OPRL1: variants seen among roughly 807,000 people sequenced by gnomAD.
OPRL1 encodes nociceptin receptor.
Under a neutral mutation model 15.5 loss-of-function variants are expected in OPRL1, and 5 were observed. The observed-to-expected ratio is 0.32, with a 90% CI of 0.17 to 0.68. The LOEUF is 0.68. Among genes scored for constraint, OPRL1 ranks in the 30% least tolerant of loss-of-function variants. The probability of loss-of-function intolerance (pLI) is 0.72; values close to 1 mark genes in which losing one functional copy is unlikely to be tolerated. For missense variants in OPRL1, 406 were observed against 515.3 expected, an observed-to-expected ratio of 0.79 and a Z score of 2.05; for synonymous variants, 223 against 230.2, an observed-to-expected ratio of 0.97 and a Z score of 0.28.
intron 1 of OPRL1, among the ~76,000 whole-genome samples, chr20:64,085,553 C>T (rs1029780354): frequency 1.3e-5 from 2 of 152,204 alleles, no homozygotes; most frequent in African/African-American, 4.8e-5. Flanking sequence ...ATAATTTCTT[C>T]AGGCACTCAT....
chr20:64,088,366 G>C (rs555534169), intron 1 of OPRL1, among the ~76,000 whole-genome samples: 2 of 152,054 alleles, frequency 1.3e-5, no homozygotes, highest in Non-Finnish European at 2.9e-5. Flanking sequence ...TCTGTGCAGC[G>C]TGCAGGATCT....
Position 64,098,074 on chromosome 20 carries a change from C to A in OPRL1, c.506C>A (p.Ala169Asp). 1 of 1,613,414 alleles carries A rather than the reference C, an allele frequency of 6.2e-7. No individual in the cohort carries two copies. The highest frequency in any genetic ancestry group is 8.5e-7 in the Non-Finnish European group (1 of 1,180,000). The stretch of plus-strand genomic sequence containing the variant: ...GTCCGCACGTCCAGCAAAGCCCAGG[C>A]TGTCAATGTGGCCATCTGGGCCCTG... The part of the protein sequence containing the change: ...LDVRTSSKAQ[A>D]VNVAIWALAS... Residue 169 changes from alanine (A) to aspartate (D), a missense_variant, in exon 4 of 5, where the codon GCT (alanine) becomes GAT (aspartate). By Grantham distance (126) the Ala-to-Asp change is moderately radical (BLOSUM62 -2). Transcript: ENST00000336866.
chr20:64,084,261 G>A (rs1221053242), intron 1 of OPRL1: 4 of 1,343,726 alleles, frequency 3.0e-6, no homozygotes, highest in Non-Finnish European at 3.8e-6. Context: ...CGTCGGTGCC[G>A]GGGCTGGCAC....
intron 1 of OPRL1, among the ~76,000 whole-genome samples, chr20:64,091,620 G>A (rs1434629076): frequency 6.6e-6 from 1 of 152,154 alleles, no homozygotes; most frequent in South Asian, 2.1e-4. Flanking sequence ...CCAGCTGGGG[G>A]GTCCGGGCCA....
intron 1 of OPRL1, among the ~76,000 whole-genome samples, chr20:64,088,637 G>A (rs1238129177): frequency 1.1e-4 from 17 of 150,848 alleles, no homozygotes; most frequent in East Asian, 8.0e-4. Flanking sequence ...TGTGCAGAGT[G>A]GCCAGGATCT....
chr20:64,091,256 C>T (rs983644298), intron 1 of OPRL1, among the ~76,000 whole-genome samples: 1 of 99,446 alleles, frequency 1.0e-5, no homozygotes, highest in Non-Finnish European at 2.1e-5. Flanking sequence ...GATCTGGGGC[C>T]CAGCTGTGGC....
In OPRL1 at chr20:64,088,897, C is replaced by G. The variant is rs776487809; in HGVS notation, c.-184-3069C>G. 1.4e-3 allele frequency among the ~76,000 whole-genome samples: 201 copies of G among 147,442 alleles called. 2 individuals carry two copies. Among genetic ancestry groups the G allele is most frequent in the Admixed American group, 1.5e-3 (22 of 14,966 alleles). Reference sequence around the variant, plus strand: ...AGTGGCCAGGGTCTGTGCAGAGTGGCCAGGGTCTGTGCAGAGTGGCCAGGA... The same window carrying G: ...AGTGGCCAGGGTCTGTGCAGAGTGGGCAGGGTCTGTGCAGAGTGGCCAGGA... On this transcript the variant is annotated intron_variant, in intron 1 of 4. Transcript: ENST00000336866.
Position 64,090,508 on chromosome 20 carries a change from G to A in OPRL1, c.-184-1458G>A, listed in dbSNP as rs1601638310. The stretch of plus-strand genomic sequence containing the variant: ...AGGTGCTCGGAGCAGGGTCTGAGCT[G>A]TGTGGGGAGAGGTCTGGTTTTCCTG... On this transcript the variant is annotated intron_variant, in intron 1 of 4. Coordinates refer to ENST00000336866, the MANE Select transcript of OPRL1 (RefSeq NM_182647.4). The surrounding 1 kb of genome is among the most constrained non-coding windows in gnomAD (Gnocchi z 4.9). Among the ~76,000 whole-genome samples, 2 of 152,232 alleles carry A rather than the reference G, an allele frequency of 1.3e-5. No individual in the cohort carries two copies. The highest frequency in any genetic ancestry group is 4.8e-5 in the African/African-American group (2 of 41,460).
Position 64,097,605 on chromosome 20 carries a change from CCCTACCCCCTGAGACTGA to C in OPRL1, c.234-195_234-178del, listed in dbSNP as rs558223394. Among the ~76,000 whole-genome samples, 703 of 152,272 alleles carry C rather than the reference CCCTACCCCCTGAGACTGA, an allele frequency of 4.6e-3. 1 individual carries two copies. The highest frequency in any genetic ancestry group is 7.5e-3 in the Non-Finnish European group (513 of 68,022). On this transcript the variant is annotated intron_variant, in intron 3 of 4. Transcript: ENST00000336866. The surrounding 1 kb of genome is among the most constrained non-coding windows in gnomAD (Gnocchi z 4.2). The stretch of plus-strand genomic sequence containing the variant: ...GCTGGTTAAGACGTTTGACCCCAGG[CCCTACCCCCTGAGACTGA>C]CTCATGAGTCTCAGGTTGGGTCCAG...
rs1334500955 is a variant in OPRL1, at chr20:64,099,429, G to A, written c.*630G>A. 2 of 152,534 alleles carry A rather than the reference G, an allele frequency of 1.3e-5. No individual in the cohort carries two copies. The highest frequency in any genetic ancestry group is 2.4e-5 in the African/African-American group (1 of 41,448). The allele number at this position is 152,534 out of a possible 1,614,324, so 9.4% of individuals were successfully genotyped here. On this transcript the variant is annotated 3_prime_UTR_variant, in exon 5 of 5. Coordinates refer to ENST00000336866, the MANE Select transcript of OPRL1 (RefSeq NM_182647.4). ...CTGTTCCGACTCCACCTGTGCAGCC[G>A]GGGCCACCCCAGGAGAAAGTGTCCA...
chr20:64,088,976 A>T (rs1472441160), intron 1 of OPRL1, among the ~76,000 whole-genome samples: 1 of 109,946 alleles, frequency 9.1e-6, no homozygotes, highest in East Asian at 2.6e-4. Context: ...GCAAGGGGGC[A>T]GGATCTTTGC....
At chr20:64,092,569 G>A (rs914635460) in intron 2 of OPRL1, 119 bp from the exon 3 acceptor site, 1 of 683,978 alleles carries the variant, frequency 1.5e-6, no homozygotes, top group Non-Finnish European at 2.5e-6. Flanking sequence ...GTGCCTCAGT[G>A]TCTGTGGCTG....
At position 64,092,933 on chromosome 20, in the gene OPRL1, TGTCATGTAC is replaced by T; in HGVS notation, c.219_227del (p.Met73_Val75del). 14 of 1,612,488 alleles carry T rather than the reference TGTCATGTAC, an allele frequency of 8.7e-6. No homozygotes were observed. Among genetic ancestry groups the T allele is most frequent in the Non-Finnish European group, 1.1e-5 (13 of 1,179,730 alleles). On this transcript the variant is annotated inframe_deletion, in exon 3 of 5. Coordinates refer to ENST00000336866, the MANE Select transcript of OPRL1 (RefSeq NM_182647.4). ...TCGGAGGGCTCCTGGGGAACTGCCT[TGTCATGTAC>T]GTCATCCTCAGGTAGGCTGGGCCCC...
intron 1 of OPRL1, among the ~76,000 whole-genome samples, chr20:64,081,732 C>T (rs1330831803): frequency 2.6e-5 from 4 of 152,190 alleles, no homozygotes; most frequent in East Asian, 1.9e-4. Context: ...TACAGGCAGG[C>T]GTCCCTCCAG....
At chr20:64,084,181 CG>C in intron 1 of OPRL1, 1 of 1,448,258 alleles carries the variant, frequency 6.9e-7, no homozygotes. Flanking sequence ...TTCGCTCCCG[CG>C]GGCCCTTGCG....
Position 64,096,833 on chromosome 20 carries a change from TCATCATGAC to T in OPRL1, c.234-963_234-955del, listed in dbSNP as rs1569278337. Among the ~76,000 whole-genome samples, 11 of 33,820 alleles carry T rather than the reference TCATCATGAC, an allele frequency of 3.3e-4. No individual in the cohort carries two copies. In the East Asian group the frequency reaches 0.014, roughly 44 times the overall value. 22.2% of individuals were successfully genotyped at this position (33,820 alleles called of 152,430 possible). On this transcript the variant is annotated intron_variant, in intron 3 of 4. Transcript: ENST00000336866. ...ACCATCACCACCATCATCACCATCA[TCATCATGAC>T]CATCACCACCATCACCACTATCACC... is the stretch of plus-strand genomic sequence containing the variant.
Position 64,098,427 on chromosome 20 carries a change from G to A in OPRL1, c.741G>A (p.Leu247=), listed in dbSNP as rs1359276290. 2 of 1,613,448 alleles carry A rather than the reference G, an allele frequency of 1.2e-6. No homozygotes were observed. The highest frequency in any genetic ancestry group is 1.7e-6 in the Non-Finnish European group (2 of 1,180,028). ...TCCGGCGGCTCCGTGGAGTCCGCCT[G>A]CTCTCGGGCTCCCGAGAGAAGGACC... The part of the protein sequence containing the change: ...LMIRRLRGVR[L]LSGSREKDRN... The change falls in exon 5 of 5, where the codon CTG becomes CTA. Residue 247 remains leucine (L), a synonymous_variant. Coordinates refer to ENST00000336866, the MANE Select transcript of OPRL1 (RefSeq NM_182647.4).
intron 2 of OPRL1, 143 bp from the exon 3 acceptor site, chr20:64,092,545 G>A: frequency 1.6e-6 from 1 of 615,836 alleles, no homozygotes; most frequent in Non-Finnish European, 2.9e-6. Context: ...GTGTGTTCTG[G>A]TGTGTGTGCC....
intron 1 of OPRL1, chr20:64,084,031 C>T: frequency 4.7e-6 from 7 of 1,503,792 alleles, no homozygotes; most frequent in Non-Finnish European, 6.2e-6. Context: ...CGCCGAAGAG[C>T]AGATGGCGGT....
Sources: gnomAD v4.1 joint callset for allele counts (sites outside exome capture counted in the v4.1 genomes callset) on GRCh38, gnomAD v4.1.1 for gene constraint, Gnocchi (gnomAD v3.1) non-coding constraint, MANE v1.5 for transcripts, NCBI Gene and HGNC (gene_info 2026-07-23, HGNC 2026-07-21) for gene names.